FAAH2: variants seen among roughly 807,000 people sequenced by gnomAD.
The protein encoded by FAAH2 is fatty-acid amide hydrolase 2.
FAAH2 carries 60 observed loss-of-function variants against 36.9 expected under a neutral mutation model. The observed-to-expected ratio is 1.63, with a 90% confidence interval of 1.32 to 2.02. The LOEUF is 2.02. FAAH2 is among the 30% of genes most tolerant of loss of function. FAAH2 has a pLI of 0.00. For missense variants in FAAH2, 689 were observed against 397.5 expected, an observed-to-expected ratio of 1.73 and a Z score of -6.23; for synonymous variants, 214 against 143.8, an observed-to-expected ratio of 1.49 and a Z score of -3.49.
chrX:57,150,278 A>C, the FAAH2 span, among the ~76,000 whole-genome samples: 9 of 111,827 alleles, frequency 8.0e-5, no homozygotes, highest in South Asian at 3.4e-3. Flanking sequence ...TATTAGGTGC[A>C]CTTGGTGCAC....
intron 7 of FAAH2, among the ~76,000 whole-genome samples, chrX:57,395,809 T>A (rs2055281206): frequency 8.9e-6 from 1 of 111,855 alleles, no homozygotes; most frequent in Non-Finnish European, 1.9e-5. Context: ...GCTTGTAAGG[T>A]TTTTTTATTC....
At chrX:57,452,248 A>G in intron 10 of FAAH2, 1 of 754,778 alleles carries the variant, frequency 1.3e-6, no homozygotes, top group Non-Finnish European at 1.6e-6. Context: ...AGGAATGCTA[A>G]GCAGATCTTT....
intron 10 of FAAH2, among the ~76,000 whole-genome samples, chrX:57,450,415 G>C (rs1449251223): frequency 1.8e-5 from 2 of 111,080 alleles, no homozygotes; most frequent in Admixed American, 1.9e-4. Flanking sequence ...TAAGGGTCAG[G>C]GTCAGGACTG....
At position 57,364,443 on chromosome X, in the gene FAAH2, C is replaced by CTT. The variant is rs1225398163; in HGVS notation, c.743-14191_743-14190dup. Among the ~76,000 whole-genome samples the CTT allele has an allele frequency of 2.4e-3, 174 of 73,302 alleles. 5 individuals carry two copies. Among genetic ancestry groups the CTT allele is most frequent in the African/African-American group, 8.3e-3 (156 of 18,909 alleles). 63.7% of individuals were successfully genotyped at this position (73,302 alleles called of 115,157 possible). A position where few individuals can be genotyped will look rare whatever the true frequency, so the allele number is the denominator to read the frequency against. On this transcript the variant is annotated intron_variant, in intron 5 of 10. Coordinates refer to ENST00000374900, the MANE Select transcript of FAAH2 (RefSeq NM_174912.4). ...TGCTTGTGCTTATTTGGATCTTCTCCTTTTTTTTTTTTTTTTTTGCTAATA... is the reference window on the plus strand; with the variant it reads ...TGCTTGTGCTTATTTGGATCTTCTCCTTTTTTTTTTTTTTTTTTTTGCTAATA...
intron 10 of FAAH2, among the ~76,000 whole-genome samples, chrX:57,468,367 G>T (rs1358665282): frequency 1.8e-5 from 2 of 111,376 alleles, no homozygotes; most frequent in Non-Finnish European, 3.8e-5. Context: ...TAGATGAATG[G>T]CTAACTAGAA....
intron 4 of FAAH2, among the ~76,000 whole-genome samples, chrX:57,339,011 C>CTA (rs762411731): frequency 1.1e-3 from 124 of 111,656 alleles, no homozygotes; most frequent in Non-Finnish European, 1.8e-3. Context: ...CAACTTCCAA[C>CTA]TATACTACAG....
At chrX:57,122,171 G>A in the FAAH2 span, among the ~76,000 whole-genome samples, 1 of 111,285 alleles carries the variant, frequency 9.0e-6, no homozygotes, top group Non-Finnish European at 1.9e-5. Context: ...CCATTTTTGA[G>A]GGCCTCACAG....
chrX:57,324,340 C>T (rs1365409501), intron 3 of FAAH2, among the ~76,000 whole-genome samples: 12 of 111,699 alleles, frequency 1.1e-4, no homozygotes, highest in East Asian at 5.6e-4. Flanking sequence ...TTTGGTTCCA[C>T]ATGAACTTTA....
At chrX:57,378,116 A>C (rs970264817) in intron 5 of FAAH2, among the ~76,000 whole-genome samples, 6 of 111,985 alleles carry the variant, frequency 5.4e-5, no homozygotes, top group African/African-American at 1.9e-4. Flanking sequence ...TGGCATATTA[A>C]TTGTGAAATG....
chrX:57,291,035 T>C (rs2051963250), intron 1 of FAAH2, among the ~76,000 whole-genome samples: 1 of 112,437 alleles, frequency 8.9e-6, no homozygotes, highest in Non-Finnish European at 1.9e-5. Flanking sequence ...ATTTAAGATT[T>C]GCTTTGTGTG....
intron 7 of FAAH2, chrX:57,395,504 G>T: frequency 2.7e-6 from 1 of 374,423 alleles, no homozygotes. Flanking sequence ...TCAGTATGAT[G>T]TTGGCTATGG....
At chrX:57,238,826 T>C in the FAAH2 span, among the ~76,000 whole-genome samples, 5 of 111,306 alleles carry the variant, frequency 4.5e-5, no homozygotes, top group Admixed American at 1.9e-4. Context: ...AACTATGGTG[T>C]CTATTGTTTC....
At chrX:57,165,262 T>G in the FAAH2 span, among the ~76,000 whole-genome samples, 1 of 112,088 alleles carries the variant, frequency 8.9e-6, no homozygotes, top group African/African-American at 3.2e-5. Flanking sequence ...GCGGCATTAT[T>G]CACGATAGCA....
chrX:57,177,145 G>A, the FAAH2 span, among the ~76,000 whole-genome samples: 1 of 111,138 alleles, frequency 9.0e-6, no homozygotes, highest in Non-Finnish European at 1.9e-5. Context: ...ATAGTGAGAA[G>A]TCCCATCCTT....
chrX:57,208,707 C>G, the FAAH2 span, among the ~76,000 whole-genome samples: 1 of 111,864 alleles, frequency 8.9e-6, no homozygotes, highest in African/African-American at 3.3e-5. Context: ...TGACAGCAAG[C>G]CAGTGATAAG....
the FAAH2 span, among the ~76,000 whole-genome samples, chrX:57,146,458 G>A: frequency 9.0e-6 from 1 of 111,639 alleles, no homozygotes; most frequent in Admixed American, 9.5e-5. Flanking sequence ...AGTTCTTGGA[G>A]CTTTTTGAAA....
chrX:57,439,124 G>T (rs1431295746), intron 8 of FAAH2, among the ~76,000 whole-genome samples: 1 of 110,127 alleles, frequency 9.1e-6, no homozygotes, highest in Non-Finnish European at 1.9e-5. Flanking sequence ...CCCAGTAATG[G>T]GATGGCTGGG....
chrX:57,454,004 A>G (rs1183106225), intron 10 of FAAH2, among the ~76,000 whole-genome samples: 2 of 111,143 alleles, frequency 1.8e-5, no homozygotes, highest in Admixed American at 1.9e-4. Flanking sequence ...GAGGGCATGG[A>G]ACCAGTGATC....
the FAAH2 span, among the ~76,000 whole-genome samples, chrX:57,181,433 T>C: frequency 9.0e-6 from 1 of 111,315 alleles, no homozygotes; most frequent in African/African-American, 3.3e-5. Context: ...ATCGTTTTAA[T>C]ATACCACCAA....
Sources: allele counts gnomAD v4.1 joint callset (sites outside exome capture counted in the v4.1 genomes callset), GRCh38; gene constraint gnomAD v4.1.1; transcripts MANE v1.5; gene names NCBI Gene and HGNC (gene_info 2026-07-23, HGNC 2026-07-21).